Variants in ASPRV1 observed in about 807,000 individuals in gnomAD.
The protein encoded by ASPRV1 is aspartic peptidase retroviral like 1.
Under a neutral mutation model 11.0 loss-of-function variants are expected in ASPRV1, and 7 were observed. The ratio of observed to expected loss-of-function variants is 0.64; its 90% CI spans 0.36 to 1.20. The LOEUF (loss-of-function observed/expected upper bound fraction) is 1.20, where lower values mean the gene tolerates loss of function less well. ASPRV1 is among the 50% of genes most tolerant of loss of function. The pLI is 0.02. For missense variants in ASPRV1, 299 were observed against 320.0 expected (o/e 0.93, Z 0.50); for synonymous variants, 136 against 138.4 (o/e 0.98, Z 0.12).
the ASPRV1 span, among the ~76,000 whole-genome samples, chr2:70,006,517 C>T: frequency 6.6e-6 from 1 of 152,168 alleles, no homozygotes; most frequent in African/African-American, 2.4e-5. Flanking sequence ...GGGCAGCCTT[C>T]TCCAGCACCC....
chr2:70,039,067 A>G, the ASPRV1 span, among the ~76,000 whole-genome samples: 1 of 151,694 alleles, frequency 6.6e-6, no homozygotes, highest in Admixed American at 6.6e-5. Flanking sequence ...CAACGAAAGC[A>G]AAACTCCATC....
chr2:70,034,100 A>G, the ASPRV1 span, among the ~76,000 whole-genome samples: 1 of 135,104 alleles, frequency 7.4e-6, no homozygotes, highest in Non-Finnish European at 1.5e-5. Context: ...GCCTGCAGTG[A>G]GCCGAGATCG....
chr2:70,023,739 T>C, the ASPRV1 span, among the ~76,000 whole-genome samples: 1 of 152,086 alleles, frequency 6.6e-6, no homozygotes, highest in Non-Finnish European at 1.5e-5. Context: ...TTATAAACCA[T>C]GTAGATTTCT....
the ASPRV1 span, among the ~76,000 whole-genome samples, chr2:69,989,167 T>G: frequency 6.6e-6 from 1 of 152,284 alleles, no homozygotes; most frequent in East Asian, 1.9e-4. Flanking sequence ...GGGTCAGTTT[T>G]CAGATTTCTG....
the ASPRV1 span, among the ~76,000 whole-genome samples, chr2:69,997,226 G>A: frequency 1.3e-5 from 2 of 150,940 alleles, no homozygotes; most frequent in South Asian, 4.2e-4. Flanking sequence ...CCTTTGCAGA[G>A]GAGGATGCTT....
chr2:70,065,124 G>C, the ASPRV1 span, among the ~76,000 whole-genome samples: 1 of 149,608 alleles, frequency 6.7e-6, no homozygotes, highest in Admixed American at 6.7e-5. Flanking sequence ...CAAAAAAAAG[G>C]CCAGGTGCGG....
chr2:70,084,505 T>G, the ASPRV1 span, among the ~76,000 whole-genome samples: 1 of 152,224 alleles, frequency 6.6e-6, no homozygotes, highest in Non-Finnish European at 1.5e-5. Flanking sequence ...ATTCCTTCAC[T>G]AATCTGTACC....
chr2:70,041,727 G>C, the ASPRV1 span, among the ~76,000 whole-genome samples: 1 of 152,206 alleles, frequency 6.6e-6, no homozygotes, highest in African/African-American at 2.4e-5. Context: ...CTAGGGAAGA[G>C]AGCCTCAGAG....
At chr2:69,971,730 T>C in the ASPRV1 span, among the ~76,000 whole-genome samples, 3 of 152,178 alleles carry the variant, frequency 2.0e-5, no homozygotes, top group African/African-American at 7.2e-5. Flanking sequence ...GCCCTTGACA[T>C]GTAGCCAAGC....
At chr2:70,025,109 C>T in the ASPRV1 span, among the ~76,000 whole-genome samples, 1 of 151,890 alleles carries the variant, frequency 6.6e-6, no homozygotes, top group African/African-American at 2.4e-5. Context: ...ATTTTCATAC[C>T]AGCTTATAAC....
the ASPRV1 span, among the ~76,000 whole-genome samples, chr2:69,944,881 T>C: frequency 1.3e-5 from 2 of 152,072 alleles, no homozygotes; most frequent in African/African-American, 4.8e-5. Flanking sequence ...ACACTCTCTC[T>C]ATCCCATGTC....
At chr2:69,966,867 G>A in the ASPRV1 span, among the ~76,000 whole-genome samples, 1 of 152,140 alleles carries the variant, frequency 6.6e-6, no homozygotes, top group Admixed American at 6.5e-5. Flanking sequence ...ACATACAGAA[G>A]ATGGGGGGCG....
At chr2:69,947,347 C>T in the ASPRV1 span, among the ~76,000 whole-genome samples, 1 of 152,132 alleles carries the variant, frequency 6.6e-6, no homozygotes. Context: ...TTGCAGCAAT[C>T]CCATTGCTTT....
At chr2:69,986,290 T>G in the ASPRV1 span, among the ~76,000 whole-genome samples, 1 of 152,222 alleles carries the variant, frequency 6.6e-6, no homozygotes. Context: ...CCAGGACACA[T>G]GGCAGTGGGT....
At chr2:70,004,782 A>G in the ASPRV1 span, among the ~76,000 whole-genome samples, 1 of 152,084 alleles carries the variant, frequency 6.6e-6, no homozygotes, top group African/African-American at 2.4e-5. Flanking sequence ...TTGTTCAATC[A>G]ACAAACATCT....
At chr2:70,084,690 T>A in the ASPRV1 span, among the ~76,000 whole-genome samples, 3 of 152,208 alleles carry the variant, frequency 2.0e-5, no homozygotes, top group African/African-American at 7.2e-5. Flanking sequence ...ACAAATATTG[T>A]TTTGCAAAAA....
chr2:69,953,845 T>A, the ASPRV1 span, among the ~76,000 whole-genome samples: 27,297 of 151,740 alleles, frequency 0.18, 3,106 homozygotes, highest in African/African-American at 0.3. Context: ...GTAGCTGGGA[T>A]TACAGGCACA....
chr2:70,080,099 C>A, the ASPRV1 span, among the ~76,000 whole-genome samples: 1 of 152,154 alleles, frequency 6.6e-6, no homozygotes, highest in African/African-American at 2.4e-5. Flanking sequence ...TTTCTCTCCC[C>A]TCTAACTCAA....
the ASPRV1 span, among the ~76,000 whole-genome samples, chr2:70,013,481 C>A: frequency 2.6e-5 from 4 of 152,128 alleles, no homozygotes; most frequent in Non-Finnish European, 4.4e-5. Flanking sequence ...AAAACAGATA[C>A]GAGAATCCAA....
Sources: gnomAD v4.1 joint callset for allele counts (sites outside exome capture counted in the v4.1 genomes callset) on GRCh38, gnomAD v4.1.1 for gene constraint, MANE v1.5 for transcripts, NCBI Gene and HGNC (gene_info 2026-07-23, HGNC 2026-07-21) for gene names.